ZNF516: variants seen among roughly 807,000 people sequenced by gnomAD.
The protein encoded by ZNF516 is zinc finger protein 516.
ZNF516 carries 19 observed loss-of-function variants against 79.7 expected under a neutral mutation model. The ratio of observed to expected loss-of-function variants is 0.24; its 90% CI spans 0.17 to 0.35. The LOEUF (loss-of-function observed/expected upper bound fraction) is 0.35, where lower values mean the gene tolerates loss of function less well. Among genes scored for constraint, ZNF516 ranks in the 10% least tolerant of loss-of-function variants. The probability of loss-of-function intolerance (pLI) is 1.00; values close to 1 mark genes in which losing one functional copy is unlikely to be tolerated. For missense variants in ZNF516, 1,678 were observed against 1,679.5 expected (o/e 1.00, Z 0.02); for synonymous variants, 877 against 739.5 (o/e 1.19, Z -3.02).
chr18:76,367,339 G>C (rs547570590), intron 6 of ZNF516, among the ~76,000 whole-genome samples: 3 of 152,130 alleles, frequency 2.0e-5, no homozygotes, highest in African/African-American at 7.2e-5. Context: ...TTCTGCTGCC[G>C]GGAACCACTA....
At chr18:76,363,543 C>T (rs558418579) in intron 6 of ZNF516, among the ~76,000 whole-genome samples, 2 of 152,116 alleles carry the variant, frequency 1.3e-5, no homozygotes, top group Admixed American at 6.5e-5. Flanking sequence ...CAAAATTTTA[C>T]GAGGGGTTAG....
At position 76,467,274 on chromosome 18, in the gene ZNF516, T is replaced by G. The variant is rs4891022; in HGVS notation, c.-271-4133A>C. ...ACCTGCAGCTGACAGCCCCTCTGGG[T>G]TGGCAGGAAGTCCTGCGTGTCTCTC... On this transcript the variant is annotated intron_variant, in intron 1 of 6. Transcript: ENST00000443185. The surrounding 1 kb of genome is among the most constrained non-coding windows in gnomAD (Gnocchi z 4.2). 1.6e-3 allele frequency among the ~76,000 whole-genome samples: 3 copies of G among 1,836 alleles called. No individual in the cohort carries two copies. Among genetic ancestry groups the G allele is most frequent in the African/African-American group, 2.1e-3 (3 of 1,412 alleles). 1.2% of individuals were successfully genotyped at this position (1,836 alleles called of 152,430 possible). A position where few individuals can be genotyped will look rare whatever the true frequency, so the allele number is the denominator to read the frequency against.
At chr18:76,468,428 T>C (rs1241550256) in intron 1 of ZNF516, among the ~76,000 whole-genome samples, 2 of 150,292 alleles carry the variant, frequency 1.3e-5, no homozygotes, top group Admixed American at 1.3e-4. Context: ...TTTTTTTTTT[T>C]TTTTTTTTGA....
chr18:76,400,763 G>A (rs943043369), intron 3 of ZNF516, among the ~76,000 whole-genome samples: 3 of 152,160 alleles, frequency 2.0e-5, no homozygotes, highest in Non-Finnish European at 2.9e-5. Context: ...AAACTATTAT[G>A]TAATATAAAT....
intron 1 of ZNF516, among the ~76,000 whole-genome samples, chr18:76,489,077 G>A (rs986114106): frequency 6.6e-6 from 1 of 152,176 alleles, no homozygotes; most frequent in Admixed American, 6.5e-5. Flanking sequence ...ACAGCATTAA[G>A]GTATAATGCA....
intron 3 of ZNF516, among the ~76,000 whole-genome samples, chr18:76,434,992 T>A (rs1266545706): frequency 2.0e-5 from 3 of 152,234 alleles, no homozygotes; most frequent in Non-Finnish European, 2.9e-5. Flanking sequence ...ATGCCGTGTT[T>A]GAGCAATGCA....
chr18:76,423,944 G>T (rs1381245255), intron 3 of ZNF516, among the ~76,000 whole-genome samples: 1 of 96,986 alleles, frequency 1.0e-5, no homozygotes, highest in Admixed American at 1.1e-4. Flanking sequence ...AGGTGAAAAG[G>T]CTCCCCCGAA....
Position 76,491,636 on chromosome 18 carries a change from T to G in ZNF516, c.-272+3508A>C, listed in dbSNP as rs557805383. On this transcript the variant is annotated intron_variant, in intron 1 of 6. Transcript: ENST00000443185. ...CCCCTTCCCGCCCCGCCCACGGCCC[T>G]CCTCCTGGCAGCCCAGCAACAAGCG... 9.9e-3 allele frequency: 4,850 copies of G among 487,788 alleles called. 38 individuals are homozygous for G. The highest frequency in any genetic ancestry group is 0.014 in the Admixed American group (137 of 9,584). The allele number at this position is 487,788 out of a possible 1,614,324, so 30.2% of individuals were successfully genotyped here.
chr18:76,447,337 G>C (rs1465539104), intron 2 of ZNF516, among the ~76,000 whole-genome samples: 2 of 152,186 alleles, frequency 1.3e-5, no homozygotes, highest in Non-Finnish European at 2.9e-5. Context: ...GGTTTCGATG[G>C]GATGCCTCCT....
At chr18:76,432,713 C>T (rs1421280346) in intron 3 of ZNF516, among the ~76,000 whole-genome samples, 1 of 152,230 alleles carries the variant, frequency 6.6e-6, no homozygotes, top group Non-Finnish European at 1.5e-5. Context: ...AGGTGGGAAA[C>T]CATCCAGTGG....
At chr18:76,468,720 G>A (rs973811216) in intron 1 of ZNF516, among the ~76,000 whole-genome samples, 10 of 152,082 alleles carry the variant, frequency 6.6e-5, no homozygotes, top group Non-Finnish European at 1.2e-4. Flanking sequence ...GCGCCCGGCC[G>A]TGTTAGCATC....
chr18:76,487,861 C>T lies in ZNF516; in HGVS notation c.-272+7283G>A, dbSNP rs1383463299. On this transcript the variant is annotated intron_variant, in intron 1 of 6. Transcript: ENST00000443185. Reference sequence around the variant, plus strand: ...CCCCTAGATACATTCCCGTAATAGGCTGCTGCCACTACACTTTCGGCCAGT... The same window carrying T: ...CCCCTAGATACATTCCCGTAATAGGTTGCTGCCACTACACTTTCGGCCAGT... 1.1e-5 allele frequency: 10 copies of T among 874,524 alleles called. No individual in the cohort carries two copies. The African/African-American group carries it at 1.6e-4, about 14-fold the overall frequency. The allele number at this position is 874,524 out of a possible 1,614,324, so 54.2% of individuals were successfully genotyped here. A position where few individuals can be genotyped will look rare whatever the true frequency, so the allele number is the denominator to read the frequency against.
In ZNF516 at chr18:76,379,259, T is replaced by C. The variant is rs1467933323; in HGVS notation, c.2855A>G (p.Lys952Arg). Residue 952 changes from lysine (K) to arginine (R), a missense_variant, in exon 4 of 7, where the codon AAG (lysine) becomes AGG (arginine). Physicochemically the swap from Lys to Arg is conservative, Grantham distance 26 (BLOSUM62 2). Transcript: ENST00000443185. ...QPSANSKPVEKFGVPPAGAGF... is the reference protein window; with the variant it reads ...QPSANSKPVERFGVPPAGAGF... ...AGCCCCCGCTGGGGGGACCCCAAAC[T>C]TCTCCACAGGCTTGCTATTGGCCGA... 1.2e-6 allele frequency: 2 copies of C among 1,612,498 alleles called. No homozygotes were observed. Among genetic ancestry groups the C allele is most frequent in the Non-Finnish European group, 1.7e-6 (2 of 1,179,592 alleles).
At chr18:76,444,252 C>G (rs1166614756) in intron 2 of ZNF516, among the ~76,000 whole-genome samples, 1 of 152,188 alleles carries the variant, frequency 6.6e-6, no homozygotes, top group African/African-American at 2.4e-5. Context: ...AGGGGCTGCA[C>G]AGACAACTCC....
rs756883120 is a variant in ZNF516 at position 76,441,927 on chromosome 18, G to A, written c.1128C>T (p.Pro376=). 1.1e-5 allele frequency: 17 copies of A among 1,607,778 alleles called. No individual in the cohort carries two copies. The South Asian group carries it at 1.7e-4, about 16-fold the overall frequency. ...RAPAEEGAEG[P]SDTKQFFLQC... is the part of the protein sequence containing the mutation. ...GGAGGAAGAACTGCTTGGTGTCCGA[G>A]GGCCCCTCCGCCCCCTCCTCGGCCG... Residue 376 remains proline (P), a synonymous_variant, in exon 3 of 7, where the codon CCC becomes CCT. Coordinates refer to ENST00000443185, the MANE Select transcript of ZNF516 (RefSeq NM_014643.4).
intron 1 of ZNF516, among the ~76,000 whole-genome samples, chr18:76,464,497 A>G (rs1470540248): frequency 2.6e-5 from 4 of 152,252 alleles, no homozygotes; most frequent in African/African-American, 9.6e-5. Context: ...AAAGGTGCAG[A>G]GCCCCCAGAC....
chr18:76,384,141 C>G (rs2074939499), intron 3 of ZNF516, among the ~76,000 whole-genome samples: 1 of 152,146 alleles, frequency 6.6e-6, no homozygotes, highest in Non-Finnish European at 1.5e-5. Context: ...CGTGTGCACT[C>G]CATCTACTGC....
intron 1 of ZNF516, among the ~76,000 whole-genome samples, chr18:76,465,874 A>G (rs1913433079): frequency 6.6e-6 from 1 of 152,158 alleles, no homozygotes; most frequent in African/African-American, 2.4e-5. Context: ...ACCAGCAGGG[A>G]CTTGGGAGAA....
At chr18:76,439,193 G>C (rs1192143957) in intron 3 of ZNF516, among the ~76,000 whole-genome samples, 3 of 152,196 alleles carry the variant, frequency 2.0e-5, no homozygotes, top group Non-Finnish European at 4.4e-5. Context: ...TAAATCAATG[G>C]AACACGGTCT....
Sources: gnomAD v4.1 joint callset for allele counts (sites outside exome capture counted in the v4.1 genomes callset) on GRCh38, gnomAD v4.1.1 for gene constraint, Gnocchi (gnomAD v3.1) non-coding constraint, MANE v1.5 for transcripts, NCBI Gene and HGNC (gene_info 2026-07-23, HGNC 2026-07-21) for gene names.